The following VAV2 variants were observed in gnomAD, a reference collection of about 807,000 sequenced individuals.
VAV2 encodes vav guanine nucleotide exchange factor 2.
In VAV2, 67 loss-of-function variants were observed where a neutral mutation model predicts 132.5. The ratio of observed to expected loss-of-function variants is 0.51; its 90% CI spans 0.42 to 0.62. The LOEUF (loss-of-function observed/expected upper bound fraction) is 0.62, where lower values mean the gene tolerates loss of function less well. Among genes scored for constraint, VAV2 ranks in the 20% least tolerant of loss-of-function variants. The pLI is 0.00. For synonymous variants in VAV2, 492 were observed against 443.5 expected (o/e 1.11, Z -1.37); for missense variants, 938 against 1,153.6 (o/e 0.81, Z 2.71).
rs1840543765 is a variant in VAV2 at position 133,928,139 on chromosome 9, G to A, written c.321+10964C>T. On this transcript the variant is annotated intron_variant, in intron 2 of 29. Coordinates refer to ENST00000371850, the MANE Select transcript of VAV2 (RefSeq NM_001134398.2). The surrounding 1 kb of genome is among the most constrained non-coding windows in gnomAD (Gnocchi z 5.4). ...CTCTCCCATCCCCAGTTATAAAACG[G>A]CGGGTCAGCATCCGATGGGCTTACC... 6.6e-6 allele frequency among the ~76,000 whole-genome samples: 1 copy of A among 152,012 alleles called. No individual in the cohort carries two copies. The highest frequency in any genetic ancestry group is 1.5e-5 in the Non-Finnish European group (1 of 68,002).
chr9:133,948,028 T>G (rs1026863518), intron 1 of VAV2, among the ~76,000 whole-genome samples: 2 of 152,124 alleles, frequency 1.3e-5, no homozygotes, highest in South Asian at 4.1e-4. Flanking sequence ...TGGCCTCAAG[T>G]GATCCACCTG....
rs375570783 is a variant in VAV2, at chr9:133,784,284, G to A, written c.1634+33C>T. 5.1e-5 allele frequency: 82 copies of A among 1,598,188 alleles called. No individual in the cohort carries two copies. The South Asian group carries it at 7.1e-4, about 14-fold the overall frequency. On this transcript the variant is annotated intron_variant, in intron 18 of 29. Coordinates refer to ENST00000371850, the MANE Select transcript of VAV2 (RefSeq NM_001134398.2). Reference sequence around the variant, plus strand: ...CAGGGGCCTGGGCTGGGCGTGGAGCGAGGTGAGGGCTGTAGCAGGGGGTTT... The same window carrying A: ...CAGGGGCCTGGGCTGGGCGTGGAGCAAGGTGAGGGCTGTAGCAGGGGGTTT...
intron 23 of VAV2, among the ~76,000 whole-genome samples, chr9:133,776,447 T>C (rs1368659686): frequency 6.6e-6 from 1 of 152,166 alleles, no homozygotes; most frequent in Non-Finnish European, 1.5e-5. Flanking sequence ...GGTGGGGGTC[T>C]GGTGGTGGCC....
chr9:133,785,527 A>G (rs1834182963), intron 17 of VAV2, among the ~76,000 whole-genome samples: 1 of 152,194 alleles, frequency 6.6e-6, no homozygotes, highest in South Asian at 2.1e-4. Context: ...CCAGCAGGAC[A>G]GCGGAGCCTG....
chr9:133,954,728 G>A (rs938481227), intron 1 of VAV2, among the ~76,000 whole-genome samples: 17 of 152,328 alleles, frequency 1.1e-4, no homozygotes, highest in South Asian at 2.1e-4. Flanking sequence ...GTGGGGGTGC[G>A]CAGGTGCTTA....
intron 25 of VAV2, among the ~76,000 whole-genome samples, chr9:133,773,003 A>C (rs1833687621): frequency 7.4e-6 from 1 of 135,462 alleles, no homozygotes; most frequent in Non-Finnish European, 1.6e-5. Context: ...CCTACTGCAC[A>C]CCCCACACCT....
At chr9:133,973,831 G>GC (rs948048345) in intron 1 of VAV2, among the ~76,000 whole-genome samples, 7 of 152,002 alleles carry the variant, frequency 4.6e-5, no homozygotes, top group South Asian at 2.1e-4. Context: ...AAAATGCAGG[G>GC]CCCCCCCAGG....
At chr9:133,775,305 G>C (rs1833775002) in intron 24 of VAV2, among the ~76,000 whole-genome samples, 1 of 152,186 alleles carries the variant, frequency 6.6e-6, no homozygotes, top group Non-Finnish European at 1.5e-5. Flanking sequence ...GTTAAATAGA[G>C]GGGTGACTGT....
chr9:133,964,768 ATATCAT>A lies in VAV2; in HGVS notation c.205-25555_205-25550del, dbSNP rs1842091833. Among the ~76,000 whole-genome samples the A allele has an allele frequency of 2.0e-5, 3 of 152,244 alleles. No homozygotes were observed. In the South Asian group the frequency reaches 6.2e-4, roughly 32 times the overall value. On this transcript the variant is annotated intron_variant, in intron 1 of 29. Transcript: ENST00000371850. ...CAGAAAAAGCATTTGATAAAATTCA[ATATCAT>A]TTTGGGATAAAAACCCTCAAAAATC... is the stretch of plus-strand genomic sequence containing the variant.
intron 1 of VAV2, among the ~76,000 whole-genome samples, chr9:133,948,445 G>A (rs1188076810): frequency 2.0e-5 from 3 of 152,272 alleles, no homozygotes; most frequent in South Asian, 2.1e-4. Flanking sequence ...GCATATCAAG[G>A]TCTTCGGGGG....
chr9:133,936,484 C>G (rs940657950), intron 2 of VAV2, among the ~76,000 whole-genome samples: 6 of 152,124 alleles, frequency 3.9e-5, no homozygotes, highest in African/African-American at 1.4e-4. Context: ...TTCAAATGAT[C>G]CGCCCACCTC....
At chr9:133,903,692 G>T (rs1303874975) in intron 2 of VAV2, among the ~76,000 whole-genome samples, 1 of 152,132 alleles carries the variant, frequency 6.6e-6, no homozygotes, top group Non-Finnish European at 1.5e-5. Flanking sequence ...TGCTCCTAGG[G>T]CTCTGATCTC....
At position 133,918,957 on chromosome 9, in the gene VAV2, T is replaced by C. The variant is rs551123142; in HGVS notation, c.321+20146A>G. On this transcript the variant is annotated intron_variant, in intron 2 of 29. Coordinates refer to ENST00000371850, the MANE Select transcript of VAV2 (RefSeq NM_001134398.2). This position sits in a 1 kb window ranked among gnomAD's most constrained non-coding sequence, Gnocchi z 4.7. ...CACCAGGCTAATTTTGTATTTTTAG[T>C]AGAGACGGGGTTTCACCATGTTGTC... Among the ~76,000 whole-genome samples, 1 of 152,192 alleles carries C rather than the reference T, an allele frequency of 6.6e-6. No individual in the cohort carries two copies. The highest frequency in any genetic ancestry group is 1.9e-4 in the East Asian group (1 of 5,182).
In VAV2 at chr9:133,938,204, C is replaced by T. The variant is rs145192935; in HGVS notation, c.321+899G>A. On this transcript the variant is annotated intron_variant, in intron 2 of 29. Coordinates refer to ENST00000371850, the MANE Select transcript of VAV2 (RefSeq NM_001134398.2). ...TACTTCCCATCAGCAGGTGGAAATC[C>T]ATTCTCCCGGTGGTCCAGGAAGCAG... Among the ~76,000 whole-genome samples the T allele has an allele frequency of 4.0e-3, 616 of 152,360 alleles. 4 individuals carry two copies. Among genetic ancestry groups the T allele is most frequent in the Middle Eastern group, 6.8e-3 (2 of 294 alleles).
At chr9:133,979,398 G>A (rs566430697) in intron 1 of VAV2, among the ~76,000 whole-genome samples, 5 of 152,146 alleles carry the variant, frequency 3.3e-5, no homozygotes, top group East Asian at 1.9e-4. Flanking sequence ...TGTGTCGGCC[G>A]CTCAGTGCCC....
intron 29 of VAV2, among the ~76,000 whole-genome samples, chr9:133,764,816 A>G (rs776208740): frequency 6.6e-6 from 1 of 152,250 alleles, no homozygotes; most frequent in African/African-American, 2.4e-5. Context: ...AGGAGAAAAG[A>G]GAGAAAATGG....
intron 1 of VAV2, among the ~76,000 whole-genome samples, chr9:133,982,531 C>A (rs565392499): frequency 6.6e-6 from 1 of 151,746 alleles, no homozygotes; most frequent in Admixed American, 6.6e-5. Flanking sequence ...CAGGAGGCCA[C>A]AAGAGGGGAC....
chr9:133,787,073 T>G (rs773211252), intron 16 of VAV2, among the ~76,000 whole-genome samples, 173 bp downstream of exon 16: 16 of 152,134 alleles, frequency 1.1e-4, no homozygotes, highest in Non-Finnish European at 1.9e-4. Context: ...GGCAAGCCTT[T>G]CATCATGAAT....
At chr9:133,852,511 G>A (rs1184302610) in intron 3 of VAV2, among the ~76,000 whole-genome samples, 3 of 152,174 alleles carry the variant, frequency 2.0e-5, no homozygotes, top group Admixed American at 1.3e-4. Context: ...TGGCAGCTCA[G>A]CAAGTTCATC....
Sources: allele counts gnomAD v4.1 joint callset (sites outside exome capture counted in the v4.1 genomes callset), GRCh38; gene constraint gnomAD v4.1.1; non-coding constraint Gnocchi (gnomAD v3.1); transcripts MANE v1.5; gene names NCBI Gene and HGNC (gene_info 2026-07-23, HGNC 2026-07-21).